SERPINI1: variants seen among roughly 807,000 people sequenced by gnomAD.
The protein encoded by SERPINI1 is neuroserpin.
SERPINI1 carries 19 observed loss-of-function variants against 41.1 expected under a neutral mutation model. That is an observed-to-expected ratio of 0.46 (90% CI 0.32 to 0.68). The LOEUF (loss-of-function observed/expected upper bound fraction) is 0.68. SERPINI1 is among the 30% of genes least tolerant of loss of function. The probability of loss-of-function intolerance (pLI) is 0.03; values close to 1 mark genes in which losing one functional copy is unlikely to be tolerated. For missense variants in SERPINI1, 460 were observed against 479.2 expected (o/e 0.96, Z 0.37); for synonymous variants, 138 against 156.6 (o/e 0.88, Z 0.89).
chr3:167,789,374 A>C lies in SERPINI1; in HGVS notation c.246A>C (p.Lys82Asn). 6.2e-7 allele frequency: 1 copy of C among 1,614,038 alleles called. No homozygotes were observed. The highest frequency in any genetic ancestry group is 8.5e-7 in the Non-Finnish European group (1 of 1,179,910). ...ACTCAATGGGATATGACAGCCTAAA[A>C]AATGGTAAGAGTGATCAGGTTTGAT... ...IRHSMGYDSLKNGEEFSFLKE... is the reference protein window; with the variant it reads ...IRHSMGYDSLNNGEEFSFLKE... The change falls in exon 2 of 9, where the codon AAA becomes AAC. Residue 82 changes from lysine to asparagine, a missense_variant. By Grantham distance (94) the Lys-to-Asn change is moderately conservative. Transcript: ENST00000446050.
Position 167,792,649 on chromosome 3 carries a change from A to C in SERPINI1, c.541A>C (p.Ile181Leu). 2 of 1,613,774 alleles carry C rather than the reference A, an allele frequency of 1.2e-6. No homozygotes were observed. The highest frequency in any genetic ancestry group is 1.7e-6 in the Non-Finnish European group (2 of 1,179,886). ...DFDAATYLAL[I>L]NAVYFKGNWK... ...TGATGCTGCCACTTATCTGGCCCTC[A>C]TTAATGCTGTCTATTTCAAGGGGAA... is the stretch of plus-strand genomic sequence containing the variant. Residue 181 changes from isoleucine (I) to leucine (L), a missense_variant, in exon 4 of 9, where the codon ATT becomes CTT. By Grantham distance (5) the Ile-to-Leu change is conservative (BLOSUM62 2). Coordinates refer to ENST00000446050, the MANE Select transcript of SERPINI1 (RefSeq NM_001122752.2).
At chr3:167,796,344 T>G (rs1454883254) in intron 5 of SERPINI1, among the ~76,000 whole-genome samples, 1 of 151,860 alleles carries the variant, frequency 6.6e-6, no homozygotes, top group Non-Finnish European at 1.5e-5. Context: ...ATATATTTTC[T>G]ATTTTTTATA....
At chr3:167,781,134 C>T (rs567970891) in intron 1 of SERPINI1, among the ~76,000 whole-genome samples, 84 of 151,702 alleles carry the variant, frequency 5.5e-4, no homozygotes, top group African/African-American at 2.0e-3. Context: ...TTCCTAGCTT[C>T]ATTGCTGCTG....
intron 1 of SERPINI1, among the ~76,000 whole-genome samples, chr3:167,753,123 A>G (rs1726095101): frequency 6.6e-6 from 1 of 152,062 alleles, no homozygotes; most frequent in Non-Finnish European, 1.5e-5. Context: ...GCTTGAAATG[A>G]AAAGTATAGT....
intron 1 of SERPINI1, among the ~76,000 whole-genome samples, chr3:167,738,079 G>T (rs1202763532): frequency 6.6e-6 from 1 of 152,094 alleles, no homozygotes. Context: ...GTAATCTGAA[G>T]ATTTTTCTTG....
At chr3:167,824,341 A>G in intron 7 of SERPINI1, 132 bp from the exon 8 acceptor site, 1 of 650,162 alleles carries the variant, frequency 1.5e-6, no homozygotes, top group Non-Finnish European at 2.7e-6. Flanking sequence ...TTCTCCAGTT[A>G]AGTCTTTAAA....
At chr3:167,823,133 T>G in intron 7 of SERPINI1, 61 bp downstream of exon 7, 1 of 1,094,412 alleles carries the variant, frequency 9.1e-7, no homozygotes. Flanking sequence ...CAATCTTGAG[T>G]GGGGAGTGGG....
At position 167,789,211 on chromosome 3, in the gene SERPINI1, A is replaced by T; in HGVS notation, c.83A>T (p.Asp28Val). Residue 28 changes from aspartate to valine, a missense_variant, in exon 2 of 9, where the codon GAC becomes GTC. Transcript: ENST00000446050. Reference protein sequence around the residue: ...GATFPEEAIADLSVNMYNRLR... With the variant: ...GATFPEEAIAVLSVNMYNRLR... The stretch of plus-strand genomic sequence containing the variant: ...ACTTTCCCTGAGGAAGCCATTGCTG[A>T]CTTGTCAGTGAATATGTATAATCGT... 5.0e-6 allele frequency: 8 copies of T among 1,614,192 alleles called. No homozygotes were observed. Among genetic ancestry groups the T allele is most frequent in the Non-Finnish European group, 6.8e-6 (8 of 1,180,018 alleles).
intron 1 of SERPINI1, among the ~76,000 whole-genome samples, chr3:167,774,427 C>T (rs1726896025): frequency 6.6e-6 from 1 of 152,126 alleles, no homozygotes; most frequent in Middle Eastern, 3.2e-3. Flanking sequence ...TCAGTAGCTA[C>T]TGCAGCAAAG....
intron 1 of SERPINI1, among the ~76,000 whole-genome samples, chr3:167,768,888 A>G (rs948987123): frequency 3.9e-5 from 6 of 152,172 alleles, no homozygotes; most frequent in African/African-American, 1.4e-4. Flanking sequence ...AGGTCTGCCA[A>G]GTTTTTCATT....
At chr3:167,793,590 A>ATT (rs1377107351) in intron 4 of SERPINI1, among the ~76,000 whole-genome samples, 221 of 103,350 alleles carry the variant, frequency 2.1e-3, no homozygotes, top group African/African-American at 0.01. Context: ...ATATATATAT[A>ATT]TATATATTTT....
intron 1 of SERPINI1, among the ~76,000 whole-genome samples, chr3:167,785,656 A>C (rs1332719786): frequency 4.1e-4 from 63 of 152,248 alleles, no homozygotes; most frequent in Non-Finnish European, 1.0e-4. Flanking sequence ...TTAAGTATTC[A>C]AAAATGTTAA....
At chr3:167,748,885 G>A (rs1430733334) in intron 1 of SERPINI1, among the ~76,000 whole-genome samples, 2 of 151,746 alleles carry the variant, frequency 1.3e-5, no homozygotes, top group East Asian at 1.9e-4. Context: ...AGCCTCCCTG[G>A]CCTCTGTAGG....
At chr3:167,747,341 ACTT>A (rs943975822) in intron 1 of SERPINI1, among the ~76,000 whole-genome samples, 34 of 152,262 alleles carry the variant, frequency 2.2e-4, no homozygotes, top group African/African-American at 8.2e-4. Context: ...AGCTTGATGA[ACTT>A]CTTAAAAACC....
At chr3:167,768,354 A>G (rs1726632436) in intron 1 of SERPINI1, among the ~76,000 whole-genome samples, 2 of 152,216 alleles carry the variant, frequency 1.3e-5, no homozygotes. Context: ...CACTTAATGG[A>G]TTACAGTAGA....
intron 1 of SERPINI1, among the ~76,000 whole-genome samples, chr3:167,755,508 G>C (rs761954779): frequency 4.6e-5 from 7 of 152,160 alleles, no homozygotes; most frequent in Non-Finnish European, 1.0e-4. Context: ...AAAAATATTT[G>C]TTATTTTAGG....
At chr3:167,746,881 A>C (rs1427485183) in intron 1 of SERPINI1, among the ~76,000 whole-genome samples, 1 of 152,196 alleles carries the variant, frequency 6.6e-6, no homozygotes, top group Admixed American at 6.5e-5. Flanking sequence ...GCCATTCTTC[A>C]AAATATTAGC....
chr3:167,747,848 ATCACTTGGCC>A (rs1382852768), intron 1 of SERPINI1, among the ~76,000 whole-genome samples: 1 of 152,160 alleles, frequency 6.6e-6, no homozygotes, highest in African/African-American at 2.4e-5. Flanking sequence ...TTCATTCTAC[ATCACTTGGCC>A]TCACAGAACA....
chr3:167,784,920 G>A (rs1219888526), intron 1 of SERPINI1, among the ~76,000 whole-genome samples: 1 of 152,018 alleles, frequency 6.6e-6, no homozygotes, highest in Admixed American at 6.5e-5. Flanking sequence ...TTTTCATAAT[G>A]TCCTCTGTTA....
Sources: gnomAD v4.1 joint callset for allele counts (sites outside exome capture counted in the v4.1 genomes callset) on GRCh38, gnomAD v4.1.1 for gene constraint, MANE v1.5 for transcripts, NCBI Gene and HGNC (gene_info 2026-07-23, HGNC 2026-07-21) for gene names.